Variants in PAM observed in about 807,000 individuals in gnomAD.
PAM encodes the protein peptidyl-glycine alpha-amidating monooxygenase.
Under a neutral mutation model 122.1 loss-of-function variants are expected in PAM, and 72 were observed. That is an observed-to-expected ratio of 0.59 (90% CI 0.49 to 0.72). The LOEUF is 0.72. Ranked by LOEUF, PAM falls within the 30% of genes least tolerant of loss-of-function variation. The probability of loss-of-function intolerance (pLI) is 0.00; values close to 1 mark genes in which losing one functional copy is unlikely to be tolerated. For synonymous variants in PAM, 389 were observed against 404.4 expected (o/e 0.96, Z 0.46); for missense variants, 1,106 against 1,183.7 (o/e 0.93, Z 0.96).
In PAM at chr5:102,822,836, G is replaced by C. The variant is rs79587053; in HGVS notation, c.-373-42987G>C. ...GTGAGGAAGCCAACTTTGTAGAGCA[G>C]AGTCACCTGCCCTGGCACACACTCA... On this transcript the variant is annotated intron_variant, in intron 1 of 25. Coordinates refer to ENST00000438793, the MANE Select transcript of PAM (RefSeq NM_001177306.2). Among the ~76,000 whole-genome samples the C allele has an allele frequency of 6.8e-3, 1,031 of 152,218 alleles. 7 individuals carry two copies. The highest frequency in any genetic ancestry group is 0.023 in the African/African-American group (976 of 41,534).
intron 1 of PAM, among the ~76,000 whole-genome samples, chr5:102,849,826 G>A (rs980807626): frequency 6.6e-6 from 1 of 152,146 alleles, no homozygotes; most frequent in African/African-American, 2.4e-5. Flanking sequence ...GAAAATGAAT[G>A]TCAGTACCAG....
intron 16 of PAM, 142 bp from the exon 17 acceptor site, chr5:103,002,891 A>C (rs548434519): frequency 1.6e-6 from 1 of 627,052 alleles, no homozygotes; most frequent in South Asian, 1.9e-5. Flanking sequence ...TTATAATCCA[A>C]ATGACTGAAA....
intron 11 of PAM, among the ~76,000 whole-genome samples, chr5:102,950,416 G>GGTGTGTGTGT (rs1554134180): frequency 1.4e-5 from 2 of 145,966 alleles, no homozygotes; most frequent in African/African-American, 5.1e-5. Context: ...TATGTGGGTG[G>GGTGTGTGTGT]GTGTGTGTGT....
chr5:103,010,011 CTATTT>C, intron 21 of PAM, 145 bp downstream of exon 21: 1 of 328,616 alleles, frequency 3.0e-6, no homozygotes, highest in Non-Finnish European at 5.5e-6. Context: ...TGGGAGTGTT[CTATTT>C]TATTTTTTAT....
intron 25 of PAM, 84 bp from the exon 26 acceptor site, chr5:103,028,803 C>A: frequency 1.1e-6 from 1 of 904,692 alleles, no homozygotes; most frequent in South Asian, 1.7e-5. Context: ...TCCCCACCTT[C>A]TGACTTTATC....
At chr5:102,925,550 T>C (rs751715292) in intron 6 of PAM, among the ~76,000 whole-genome samples, 15 of 152,204 alleles carry the variant, frequency 9.9e-5, no homozygotes, top group Admixed American at 9.2e-4. Flanking sequence ...TGTGTGTGGG[T>C]CTGTTACAGA....
At chr5:102,768,525 C>T (rs1301317063) in intron 1 of PAM, among the ~76,000 whole-genome samples, 2 of 151,976 alleles carry the variant, frequency 1.3e-5, no homozygotes, top group African/African-American at 2.4e-5. Context: ...AACCGTCATT[C>T]TACTATCTCC....
rs554287331 is a variant in PAM at position 102,880,788 on chromosome 5, TAAAA to T, written c.210+13397_210+13400del. The stretch of plus-strand genomic sequence containing the variant: ...AAATGAAGATAAATATTAAAATCAA[TAAAA>T]AGAAATGAAGTGATACAAGCTAAAA... On this transcript the variant is annotated intron_variant, in intron 3 of 25. Coordinates refer to ENST00000438793, the MANE Select transcript of PAM (RefSeq NM_001177306.2). Among the ~76,000 whole-genome samples the T allele has an allele frequency of 6.7e-3, 1,019 of 151,950 alleles. 8 individuals are homozygous for T. Among genetic ancestry groups the T allele is most frequent in the Non-Finnish European group, 0.013 (851 of 67,932 alleles).
chr5:102,833,353 TG>T (rs1030479709), intron 1 of PAM, among the ~76,000 whole-genome samples: 4 of 152,212 alleles, frequency 2.6e-5, no homozygotes, highest in African/African-American at 7.2e-5. Flanking sequence ...CCTCCTTAAA[TG>T]GAGTCTTTGT....
intron 1 of PAM, among the ~76,000 whole-genome samples, chr5:102,853,946 C>G (rs1168554083): frequency 6.6e-6 from 1 of 152,172 alleles, no homozygotes; most frequent in Non-Finnish European, 1.5e-5. Context: ...ATTACTGATT[C>G]AGTAATGATT....
At chr5:102,974,636 C>T (rs1367107220) in intron 15 of PAM, 200 bp downstream of exon 15, 11 of 432,932 alleles carry the variant, frequency 2.5e-5, no homozygotes, top group Non-Finnish European at 4.1e-5. Context: ...TCTATTACTG[C>T]ATAAATTTAG....
chr5:102,864,770 C>T (rs533371714), intron 1 of PAM, among the ~76,000 whole-genome samples: 2 of 152,246 alleles, frequency 1.3e-5, no homozygotes, highest in Non-Finnish European at 2.9e-5. Flanking sequence ...TAGTTACTGA[C>T]TAAAATAAAA....
intron 1 of PAM, among the ~76,000 whole-genome samples, chr5:102,786,654 A>G (rs571944886): frequency 2.0e-5 from 3 of 152,180 alleles, no homozygotes; most frequent in Non-Finnish European, 4.4e-5. Flanking sequence ...GCAACTAAAA[A>G]TTACTTTCCA....
chr5:102,782,812 GTCAA>G (rs1398443566), intron 1 of PAM, among the ~76,000 whole-genome samples: 3 of 148,090 alleles, frequency 2.0e-5, no homozygotes, highest in Non-Finnish European at 3.0e-5. Context: ...TGGCTTTTTT[GTCAA>G]TCAGTTTTTT....
At chr5:102,830,939 A>C (rs1775265394) in intron 1 of PAM, among the ~76,000 whole-genome samples, 1 of 152,134 alleles carries the variant, frequency 6.6e-6, no homozygotes, top group South Asian at 2.1e-4. Flanking sequence ...TCTGAGTTAC[A>C]AGGTAACTCA....
chr5:102,914,034 G>T lies in PAM; in HGVS notation c.356+13G>T. The T allele has an allele frequency of 7.1e-7, 1 of 1,405,266 alleles. No individual in the cohort carries two copies. The highest frequency in any genetic ancestry group is 1.2e-5 in the South Asian group (1 of 86,922). The allele number at this position is 1,405,266 out of a possible 1,614,324, so 87.0% of individuals were successfully genotyped here. A position where few individuals can be genotyped will look rare whatever the true frequency, so the allele number is the denominator to read the frequency against. On this transcript the variant is annotated intron_variant, in intron 5 of 25. Transcript: ENST00000438793. Reference sequence around the variant, plus strand: ...CTGGAAGTTACTGGTAAGGATAATGGGTTTACAGTATAGAAGGGTGTAGAA... The same window carrying T: ...CTGGAAGTTACTGGTAAGGATAATGTGTTTACAGTATAGAAGGGTGTAGAA...
intron 7 of PAM, among the ~76,000 whole-genome samples, chr5:102,941,550 G>A (rs1332808848): frequency 1.3e-5 from 2 of 152,116 alleles, no homozygotes; most frequent in African/African-American, 2.4e-5. Context: ...TTGCTAAGCA[G>A]ATACACATTT....
intron 12 of PAM, among the ~76,000 whole-genome samples, chr5:102,951,454 T>G (rs1199747532): frequency 1.3e-5 from 2 of 152,114 alleles, no homozygotes; most frequent in African/African-American, 4.8e-5. Flanking sequence ...TCATGCTTTT[T>G]GATAGAAAAG....
At chr5:102,801,172 C>T (rs1287388770) in intron 1 of PAM, among the ~76,000 whole-genome samples, 2 of 152,058 alleles carry the variant, frequency 1.3e-5, no homozygotes, top group African/African-American at 4.8e-5. Context: ...TCCACCTCAC[C>T]TCACCATGTG....
Sources: allele counts gnomAD v4.1 joint callset (sites outside exome capture counted in the v4.1 genomes callset), GRCh38; gene constraint gnomAD v4.1.1; transcripts MANE v1.5; gene names NCBI Gene and HGNC (gene_info 2026-07-23, HGNC 2026-07-21).